The following MGAT4C variants were observed in gnomAD, a reference collection of about 807,000 sequenced individuals.
The protein encoded by MGAT4C is MGAT4 family member C, also known as alpha-1,3-mannosyl-glycoprotein 4-beta-N-acetylglucosaminyltransferase C.
A neutral mutation model predicts 40.1 loss-of-function variants in MGAT4C; 19 were observed. The ratio of observed to expected loss-of-function variants is 0.47; its 90% CI spans 0.33 to 0.70. The LOEUF (loss-of-function observed/expected upper bound fraction) is 0.70. MGAT4C is among the 30% of genes least tolerant of loss of function. The pLI is 0.02. For missense variants in MGAT4C, 491 were observed against 563.2 expected (o/e 0.87, Z 1.30); for synonymous variants, 181 against 187.1 (o/e 0.97, Z 0.27).
intron 2 of MGAT4C, among the ~76,000 whole-genome samples, chr12:86,529,626 T>C (rs1414652017): frequency 6.6e-6 from 1 of 152,100 alleles, no homozygotes; most frequent in Non-Finnish European, 1.5e-5. Flanking sequence ...CCTGCAATCA[T>C]TCCACCAACT....
At chr12:86,186,436 A>C (rs1888760207) in intron 1 of MGAT4C, among the ~76,000 whole-genome samples, 1 of 152,138 alleles carries the variant, frequency 6.6e-6, no homozygotes, top group Admixed American at 6.6e-5. Context: ...CAGATTCAGA[A>C]ACCTATGGGC....
chr12:86,552,892 A>G (rs918999210), intron 2 of MGAT4C, among the ~76,000 whole-genome samples: 2 of 152,100 alleles, frequency 1.3e-5, no homozygotes, highest in Admixed American at 6.5e-5. Context: ...ATTACTTTTA[A>G]TGCCATTATT....
At chr12:86,794,118 A>G (rs1464478264) in intron 1 of MGAT4C, among the ~76,000 whole-genome samples, 1 of 151,924 alleles carries the variant, frequency 6.6e-6, no homozygotes, top group Non-Finnish European at 1.5e-5. Context: ...ATGATGAATT[A>G]ATATAGTTAC....
chr12:86,686,427 ACTCC>A (rs1950073113), intron 2 of MGAT4C, among the ~76,000 whole-genome samples: 1 of 151,102 alleles, frequency 6.6e-6, no homozygotes, highest in South Asian at 2.1e-4. Context: ...TTTCAAAGTG[ACTCC>A]TTCCAGTTTT....
intron 1 of MGAT4C, among the ~76,000 whole-genome samples, chr12:86,826,444 T>C (rs1242915997): frequency 6.6e-6 from 1 of 151,484 alleles, no homozygotes; most frequent in Admixed American, 6.6e-5. Context: ...AATATGGTAA[T>C]TTAAATCATT....
chr12:86,045,752 C>T (rs965498998), intron 2 of MGAT4C, among the ~76,000 whole-genome samples: 4 of 152,018 alleles, frequency 2.6e-5, no homozygotes, highest in Non-Finnish European at 4.4e-5. Flanking sequence ...TTCTTGTCTC[C>T]GTAAAAGTGA....
chr12:86,411,256 G>A (rs1179851848), intron 3 of MGAT4C, among the ~76,000 whole-genome samples: 3 of 152,098 alleles, frequency 2.0e-5, no homozygotes, highest in Non-Finnish European at 4.4e-5. Context: ...ACAGTTTGGA[G>A]GACTAAGAAG....
chr12:85,990,746 A>T (rs999703530), intron 2 of MGAT4C, among the ~76,000 whole-genome samples: 4 of 152,160 alleles, frequency 2.6e-5, no homozygotes, highest in African/African-American at 9.7e-5. Flanking sequence ...TATACATATT[A>T]CTGTCCATTT....
intron 2 of MGAT4C, among the ~76,000 whole-genome samples, chr12:86,658,366 C>T (rs1263703551): frequency 2.0e-5 from 3 of 152,000 alleles, no homozygotes; most frequent in African/African-American, 7.2e-5. Context: ...AAACACAAAA[C>T]TTCCATTAAG....
At chr12:86,298,648 G>A (rs1474577194) in intron 4 of MGAT4C, among the ~76,000 whole-genome samples, 1 of 152,084 alleles carries the variant, frequency 6.6e-6, no homozygotes, top group Non-Finnish European at 1.5e-5. Context: ...GTGAAAAATT[G>A]TTTTGGAGAA....
intron 1 of MGAT4C, among the ~76,000 whole-genome samples, chr12:86,089,728 T>C (rs1431554676): frequency 2.0e-5 from 3 of 151,736 alleles, no homozygotes; most frequent in Non-Finnish European, 4.4e-5. Flanking sequence ...TTGCCTATCA[T>C]TTATTTTCAA....
chr12:86,275,776 C>T (rs1227440780), intron 4 of MGAT4C, among the ~76,000 whole-genome samples: 4 of 151,848 alleles, frequency 2.6e-5, no homozygotes, highest in Non-Finnish European at 5.9e-5. Context: ...GCAGTGCTGA[C>T]CTGTTTTAGA....
intron 3 of MGAT4C, among the ~76,000 whole-genome samples, chr12:86,419,689 G>A (rs1956784944): frequency 6.6e-6 from 1 of 152,092 alleles, no homozygotes; most frequent in Non-Finnish European, 1.5e-5. Flanking sequence ...AATGGACAAG[G>A]CCATTTCACT....
At chr12:86,124,578 G>C (rs1372002727) in intron 1 of MGAT4C, among the ~76,000 whole-genome samples, 1 of 152,042 alleles carries the variant, frequency 6.6e-6, no homozygotes, top group Non-Finnish European at 1.5e-5. Context: ...CTAATGATCA[G>C]TGGAGCAGAT....
intron 1 of MGAT4C, among the ~76,000 whole-genome samples, chr12:86,099,365 G>T (rs1874522076): frequency 6.9e-6 from 1 of 144,462 alleles, no homozygotes; most frequent in African/African-American, 2.5e-5. Flanking sequence ...AAAACTTTTT[G>T]GTTATTAATT....
At chr12:86,556,008 T>C (rs1959593518) in intron 2 of MGAT4C, among the ~76,000 whole-genome samples, 3 of 152,256 alleles carry the variant, frequency 2.0e-5, no homozygotes, top group Admixed American at 6.5e-5. Flanking sequence ...ACACGATGCC[T>C]ATGCATGTAA....
At chr12:86,313,412 T>C (rs972631929) in intron 4 of MGAT4C, among the ~76,000 whole-genome samples, 5 of 152,182 alleles carry the variant, frequency 3.3e-5, no homozygotes, top group African/African-American at 1.2e-4. Context: ...GAAATCAGCA[T>C]ATTTAGCCGT....
intron 2 of MGAT4C, among the ~76,000 whole-genome samples, chr12:86,578,700 T>C (rs1025916487): frequency 7.9e-5 from 12 of 151,852 alleles, no homozygotes; most frequent in Non-Finnish European, 2.9e-5. Flanking sequence ...GCAGTATCAG[T>C]TGTAATGTTT....
chr12:86,589,530 G>A (rs894154027), intron 2 of MGAT4C, among the ~76,000 whole-genome samples: 6 of 151,710 alleles, frequency 4.0e-5, no homozygotes, highest in Admixed American at 1.3e-4. Context: ...AGAAAAAGAG[G>A]GAATCCTCCC....
Sources: gnomAD v4.1 joint callset for allele counts (sites outside exome capture counted in the v4.1 genomes callset) on GRCh38, gnomAD v4.1.1 for gene constraint, MANE v1.5 for transcripts, NCBI Gene and HGNC (gene_info 2026-07-23, HGNC 2026-07-21) for gene names.